DKK2: variants seen among roughly 807,000 people sequenced by gnomAD.
DKK2 encodes the protein dickkopf-related protein 2.
Under a neutral mutation model 28.1 loss-of-function variants are expected in DKK2, and 11 were observed. The observed-to-expected ratio is 0.39, with a 90% confidence interval of 0.25 to 0.65. The LOEUF (loss-of-function observed/expected upper bound fraction) is 0.65. Ranked by LOEUF, DKK2 falls within the 30% of genes least tolerant of loss-of-function variation. The pLI, the probability that DKK2 is intolerant of heterozygous loss-of-function variation, is 0.47. For missense variants in DKK2, 326 were observed against 335.5 expected (o/e 0.97, Z 0.22); for synonymous variants, 135 against 126.5 (o/e 1.07, Z -0.45).
At chr4:106,954,637 T>A (rs1327906440) in intron 1 of DKK2, among the ~76,000 whole-genome samples, 1 of 152,186 alleles carries the variant, frequency 6.6e-6, no homozygotes, top group Non-Finnish European at 1.5e-5. Flanking sequence ...TTCTCTTGCC[T>A]CAGCCTCCAG....
At chr4:106,942,591 A>G (rs1724716501) in intron 1 of DKK2, among the ~76,000 whole-genome samples, 1 of 152,118 alleles carries the variant, frequency 6.6e-6, no homozygotes, top group Admixed American at 6.6e-5. Flanking sequence ...TGAAAAAGAA[A>G]GGAAAACTCA....
chr4:106,930,902 T>C (rs1349803208), intron 1 of DKK2, among the ~76,000 whole-genome samples: 1 of 152,194 alleles, frequency 6.6e-6, no homozygotes, highest in Non-Finnish European at 1.5e-5. Flanking sequence ...TTGGGAAACC[T>C]GATCGGACTG....
chr4:107,035,743 C>A lies in DKK2; in HGVS notation c.-152G>T. ...CTTCCTGGTTCGGGGACCCAGGACCCTATGAACTCAGTCTCACGCCTCAGG... is the reference window on the plus strand; with the variant it reads ...CTTCCTGGTTCGGGGACCCAGGACCATATGAACTCAGTCTCACGCCTCAGG... On this transcript the variant is annotated 5_prime_UTR_variant, in exon 1 of 4. The change creates a new upstream start codon in the 5' untranslated region. Transcript: ENST00000285311. 2.8e-6 allele frequency: 2 copies of A among 716,040 alleles called. No homozygotes were observed. The highest frequency in any genetic ancestry group is 4.6e-6 in the Non-Finnish European group (2 of 437,002). 44.4% of individuals were successfully genotyped at this position (716,040 alleles called of 1,614,324 possible).
chr4:107,011,712 T>TGTGTGTGG (rs1040184955), intron 1 of DKK2, among the ~76,000 whole-genome samples: 11 of 151,262 alleles, frequency 7.3e-5, no homozygotes, highest in African/African-American at 2.7e-4. Flanking sequence ...TGTGTGTGTG[T>TGTGTGTGG]GGGTGTGTAT....
chr4:106,965,752 C>A (rs1460710768), intron 1 of DKK2, among the ~76,000 whole-genome samples: 2 of 126,008 alleles, frequency 1.6e-5, no homozygotes, highest in Non-Finnish European at 1.6e-5. Flanking sequence ...CCCCTCCCCC[C>A]ACCCCACAAC....
At chr4:106,933,884 T>G (rs1724537646) in intron 1 of DKK2, among the ~76,000 whole-genome samples, 1 of 152,158 alleles carries the variant, frequency 6.6e-6, no homozygotes. Context: ...TAAACACTTG[T>G]GAGTTTTAAA....
chr4:106,944,806 C>G lies in DKK2; in HGVS notation c.223-18857G>C, dbSNP rs534433941. On this transcript the variant is annotated intron_variant, in intron 1 of 3. Coordinates refer to ENST00000285311, the MANE Select transcript of DKK2 (RefSeq NM_014421.3). ...AGATCTAGCTGTACACTCTAGAGAC[C>G]AGAGTAATTGGATTCCCTTGTTCTA... 2.0e-5 allele frequency among the ~76,000 whole-genome samples: 3 copies of G among 152,062 alleles called. 1 individual carries two copies. The South Asian group carries it at 6.2e-4, about 32-fold the overall frequency.
chr4:107,024,297 C>G (rs1723739512), intron 1 of DKK2, among the ~76,000 whole-genome samples: 1 of 152,044 alleles, frequency 6.6e-6, no homozygotes, highest in East Asian at 1.9e-4. Flanking sequence ...AGACATAGGG[C>G]TCTTCTTGAA....
At chr4:107,006,277 T>C (rs1032248818) in intron 1 of DKK2, among the ~76,000 whole-genome samples, 3 of 152,220 alleles carry the variant, frequency 2.0e-5, no homozygotes, top group Non-Finnish European at 4.4e-5. Context: ...CATCTTTTAA[T>C]ATATAATTTT....
intron 1 of DKK2, among the ~76,000 whole-genome samples, chr4:106,931,526 G>C (rs1448424532): frequency 1.3e-5 from 2 of 151,954 alleles, no homozygotes; most frequent in East Asian, 3.9e-4. Flanking sequence ...CATTTTCTAA[G>C]ATAAAATTTG....
intron 1 of DKK2, among the ~76,000 whole-genome samples, chr4:106,934,496 G>T (rs577935923): frequency 5.9e-5 from 9 of 152,128 alleles, no homozygotes; most frequent in African/African-American, 2.2e-4. Context: ...GACTACCAAT[G>T]TAACATTCAA....
At position 107,035,666 on chromosome 4, in the gene DKK2, A is replaced by C; in HGVS notation, c.-75T>G. The C allele has an allele frequency of 3.3e-6, 5 of 1,523,388 alleles. No homozygotes were observed. Among genetic ancestry groups the C allele is most frequent in the Non-Finnish European group, 4.5e-6 (5 of 1,113,642 alleles). 94.4% of individuals were successfully genotyped at this position (1,523,388 alleles called of 1,614,324 possible). On this transcript the variant is annotated 5_prime_UTR_variant, in exon 1 of 4. Transcript: ENST00000285311. ...ATGCAAAGGGAGGGAGGACCCCAACACGGGGCCCCTCACTTGGGTCGCGGG... is the reference window on the plus strand; with the variant it reads ...ATGCAAAGGGAGGGAGGACCCCAACCCGGGGCCCCTCACTTGGGTCGCGGG...
chr4:106,963,308 G>A (rs559284655), intron 1 of DKK2, among the ~76,000 whole-genome samples: 45 of 148,010 alleles, frequency 3.0e-4, no homozygotes, highest in Admixed American at 1.3e-3. Flanking sequence ...AGCCAAGATC[G>A]CACCATTTCA....
chr4:106,948,147 G>A (rs1021042342), intron 1 of DKK2, among the ~76,000 whole-genome samples: 18 of 152,076 alleles, frequency 1.2e-4, no homozygotes, highest in South Asian at 2.1e-4. Flanking sequence ...TGTTATGCAG[G>A]TAGTAAATGT....
chr4:106,925,144 G>T (rs1323601505), intron 2 of DKK2, among the ~76,000 whole-genome samples: 2 of 152,200 alleles, frequency 1.3e-5, no homozygotes, highest in Non-Finnish European at 2.9e-5. Context: ...CTGTGCAAGA[G>T]ACTCACAGTA....
Position 106,988,011 on chromosome 4 carries a change from C to A in DKK2, c.222+47359G>T, listed in dbSNP as rs188239566. ...TCCTGCGTAGCTGGGACTATAGGCA[C>A]CCACCATCACGCCCGGCTAATTTTT... On this transcript the variant is annotated intron_variant, in intron 1 of 3. Transcript: ENST00000285311. Among the ~76,000 whole-genome samples the A allele has an allele frequency of 4.3e-3, 657 of 152,154 alleles. 6 individuals are homozygous for A. The highest frequency in any genetic ancestry group is 0.014 in the African/African-American group (580 of 41,524).
chr4:107,032,270 G>A (rs1012512185), intron 1 of DKK2, among the ~76,000 whole-genome samples: 1 of 151,852 alleles, frequency 6.6e-6, no homozygotes, highest in African/African-American at 2.4e-5. Context: ...CTGTGTTTTT[G>A]AAAGCCAACC....
At chr4:107,025,207 C>A (rs1723755822) in intron 1 of DKK2, among the ~76,000 whole-genome samples, 1 of 152,290 alleles carries the variant, frequency 6.6e-6, no homozygotes, top group Admixed American at 6.5e-5. Context: ...GATTCTGAGA[C>A]AGTGTCTTCC....
Position 106,925,946 on chromosome 4 carries a change from A to T in DKK2, c.226T>A (p.Tyr76Asn). 6.2e-7 allele frequency: 1 copy of T among 1,602,518 alleles called. No homozygotes were observed. The highest frequency in any genetic ancestry group is 8.5e-7 in the Non-Finnish European group (1 of 1,176,480). ...CACTCCTTATCACTGCTACAAGGGT[A>T]GGCCTGTCATCAAGTGGAACAACAC... ...SKKGKNLGQA[Y>N]PCSSDKECEV... Residue 76 changes from tyrosine to asparagine, a missense_variant, in exon 2 of 4, where the codon TAC becomes AAC. Tyr to Asn is a moderately radical substitution (Grantham distance 143). Coordinates refer to ENST00000285311, the MANE Select transcript of DKK2 (RefSeq NM_014421.3).
Sources: allele counts gnomAD v4.1 joint callset (sites outside exome capture counted in the v4.1 genomes callset), GRCh38; gene constraint gnomAD v4.1.1; transcripts MANE v1.5; gene names NCBI Gene and HGNC (gene_info 2026-07-23, HGNC 2026-07-21).